Variants in STK32B observed in about 807,000 individuals in gnomAD.
STK32B encodes serine/threonine kinase 32B.
In STK32B, 43 loss-of-function variants were observed where a neutral mutation model predicts 52.6. The observed-to-expected ratio is 0.82, with a 90% confidence interval of 0.64 to 1.05. STK32B has a LOEUF of 1.05. Among genes scored for constraint, STK32B ranks in the 50% least tolerant of loss-of-function variants. The pLI is 0.00. For synonymous variants in STK32B, 238 were observed against 204.3 expected, an observed-to-expected ratio of 1.17 and a Z score of -1.41; for missense variants, 621 against 534.6, an observed-to-expected ratio of 1.16 and a Z score of -1.59.
chr4:5,303,054 A>G (rs1350307912), intron 3 of STK32B, among the ~76,000 whole-genome samples: 1 of 151,740 alleles, frequency 6.6e-6, no homozygotes, highest in Admixed American at 6.6e-5. Context: ...GTATGTATGT[A>G]TATCACTTTT....
chr4:5,129,348 C>T (rs1024573929), intron 1 of STK32B, among the ~76,000 whole-genome samples: 6 of 152,208 alleles, frequency 3.9e-5, no homozygotes, highest in Admixed American at 2.6e-4. Context: ...CTGTTTTCTT[C>T]CCTCCACCTT....
At chr4:5,248,203 C>A (rs930618330) in intron 3 of STK32B, among the ~76,000 whole-genome samples, 1 of 152,172 alleles carries the variant, frequency 6.6e-6, no homozygotes, top group East Asian at 1.9e-4. Flanking sequence ...CTCAGTATAA[C>A]ACAGTTGTGA....
chr4:5,230,285 G>A (rs1029080528), intron 3 of STK32B, among the ~76,000 whole-genome samples: 5 of 144,350 alleles, frequency 3.5e-5, no homozygotes, highest in African/African-American at 7.9e-5. Flanking sequence ...CGCCTTCTGG[G>A]TTCAAGCAAT....
the STK32B span, among the ~76,000 whole-genome samples, chr4:5,041,720 G>C: frequency 1.3e-5 from 2 of 151,806 alleles, no homozygotes; most frequent in Admixed American, 6.6e-5. Context: ...TGGATAATTC[G>C]CTATCTGAGT....
chr4:5,238,010 G>A (rs1724750925), intron 3 of STK32B, among the ~76,000 whole-genome samples: 1 of 152,164 alleles, frequency 6.6e-6, no homozygotes. Flanking sequence ...GAGAGAGTCT[G>A]ATTTAAAAAT....
At chr4:5,047,694 G>T (rs1381628948), upstream of STK32B, among the ~76,000 whole-genome samples, 1 of 152,158 alleles carries the variant, frequency 6.6e-6, no homozygotes, top group Non-Finnish European at 1.5e-5. Context: ...AGGAAAGCCG[G>T]GTAGAAATCA....
rs1736954440 is a variant in STK32B at position 5,396,890 on chromosome 4, C to G, written c.435-1317C>G. On this transcript the variant is annotated intron_variant, in intron 4 of 11. Transcript: ENST00000282908. This position sits in a 1 kb window ranked among gnomAD's most constrained non-coding sequence, Gnocchi z 4.7. ...TTTTAATTTTATAAGTTCTCAAGTT[C>G]ATCCCTCCCATGTGGCTCCCTACGG... Among the ~76,000 whole-genome samples the G allele has an allele frequency of 6.6e-6, 1 of 152,214 alleles. No homozygotes were observed. Among genetic ancestry groups the G allele is most frequent in the Non-Finnish European group, 1.5e-5 (1 of 68,044 alleles).
chr4:5,159,556 TATATGAATGA>T (rs1225240965), intron 2 of STK32B, among the ~76,000 whole-genome samples: 2 of 88,836 alleles, frequency 2.3e-5, no homozygotes, highest in Non-Finnish European at 4.0e-5. Context: ...TATATGAATA[TATATGAATGA>T]ATATATATGA....
intron 2 of STK32B, among the ~76,000 whole-genome samples, chr4:5,144,861 G>T (rs919805694): frequency 5.3e-5 from 8 of 151,944 alleles, no homozygotes; most frequent in African/African-American, 1.9e-4. Flanking sequence ...TTTGCTCTGG[G>T]CCCTATTCTA....
intron 1 of STK32B, among the ~76,000 whole-genome samples, chr4:5,088,230 AAC>A (rs1453278653): frequency 4.6e-5 from 7 of 152,132 alleles, no homozygotes; most frequent in Admixed American, 6.5e-5. Context: ...TAAAAATGAA[AAC>A]ACAGCATATC....
Position 5,412,710 on chromosome 4 carries a change from A to T in STK32B, c.473-4135A>T, listed in dbSNP as rs1359784245. On this transcript the variant is annotated intron_variant, in intron 5 of 11. Transcript: ENST00000282908. ...CCTCTCAGTAGCACTTGAAGGATTA[A>T]GATGAGATTTGACACCTATTCTGCA... is the stretch of plus-strand genomic sequence containing the variant. Among the ~76,000 whole-genome samples the T allele has an allele frequency of 2.6e-5, 4 of 152,210 alleles. No individual in the cohort carries two copies. In the East Asian group the frequency reaches 7.7e-4, roughly 29 times the overall value.
chr4:5,447,602 C>T (rs1285221574), intron 7 of STK32B, among the ~76,000 whole-genome samples: 1 of 152,180 alleles, frequency 6.6e-6, no homozygotes, highest in Non-Finnish European at 1.5e-5. Flanking sequence ...CACCACTGCA[C>T]TCTAGCCTAG....
chr4:5,314,175 CTG>C (rs1046405678), intron 3 of STK32B, among the ~76,000 whole-genome samples: 21 of 151,882 alleles, frequency 1.4e-4, no homozygotes, highest in African/African-American at 4.6e-4. Flanking sequence ...TATTATGTAA[CTG>C]TAGTAATCAA....
At chr4:5,242,865 T>C (rs1159268604) in intron 3 of STK32B, among the ~76,000 whole-genome samples, 2 of 152,198 alleles carry the variant, frequency 1.3e-5, no homozygotes, top group Non-Finnish European at 2.9e-5. Flanking sequence ...TTTTCTCAGG[T>C]TTGTCAAAGA....
intron 1 of STK32B, among the ~76,000 whole-genome samples, chr4:5,063,856 A>G (rs1742310095): frequency 1.3e-5 from 2 of 152,100 alleles, no homozygotes; most frequent in Admixed American, 6.6e-5. Flanking sequence ...ATATTTGCCA[A>G]TTGATTGAGC....
chr4:5,084,169 T>G (rs1224942313), intron 1 of STK32B, among the ~76,000 whole-genome samples: 1 of 152,240 alleles, frequency 6.6e-6, no homozygotes, highest in Non-Finnish European at 1.5e-5. Context: ...AGATATAATT[T>G]GCTTTGGTGA....
At chr4:5,088,548 G>C (rs562012390) in intron 1 of STK32B, among the ~76,000 whole-genome samples, 1 of 151,920 alleles carries the variant, frequency 6.6e-6, no homozygotes, top group African/African-American at 2.4e-5. Flanking sequence ...GTATTTGATC[G>C]TACAATAGGA....
At chr4:5,134,067 A>G (rs571129859) in intron 1 of STK32B, among the ~76,000 whole-genome samples, 2 of 152,222 alleles carry the variant, frequency 1.3e-5, no homozygotes, top group Non-Finnish European at 2.9e-5. Context: ...CAGCCCAATG[A>G]CCCATACCTC....
intron 5 of STK32B, among the ~76,000 whole-genome samples, chr4:5,416,631 A>G (rs1183280945): frequency 6.6e-6 from 1 of 152,222 alleles, no homozygotes; most frequent in Non-Finnish European, 1.5e-5. Context: ...CCCTCAATAT[A>G]TTTATGTAAA....
Sources: gnomAD v4.1 joint callset for allele counts (sites outside exome capture counted in the v4.1 genomes callset) on GRCh38, gnomAD v4.1.1 for gene constraint, Gnocchi (gnomAD v3.1) non-coding constraint, MANE v1.5 for transcripts, NCBI Gene and HGNC (gene_info 2026-07-23, HGNC 2026-07-21) for gene names.